Variants in ACYP2 observed in about 807,000 individuals in gnomAD.
ACYP2 encodes the protein acylphosphatase-2.
Under a neutral mutation model 11.2 loss-of-function variants are expected in ACYP2, and 12 were observed. The observed-to-expected ratio is 1.08, with a 90% CI of 0.69 to 1.74. The LOEUF (loss-of-function observed/expected upper bound fraction) is 1.74. Among genes scored for constraint, ACYP2 ranks in the 40% most tolerant of loss-of-function variants. The pLI, the probability that ACYP2 is intolerant of heterozygous loss-of-function variation, is 0.00. For missense variants in ACYP2, 134 were observed against 101.9 expected (o/e 1.31, Z -1.35); for synonymous variants, 43 against 32.2 (o/e 1.33, Z -1.13).
At chr2:54,060,882 C>A (rs1365884612) in intron 4 of ACYP2, among the ~76,000 whole-genome samples, 1 of 151,782 alleles carries the variant, frequency 6.6e-6, no homozygotes, top group Non-Finnish European at 1.5e-5. Flanking sequence ...TGTATCCTAG[C>A]TTTCAAATAC....
In ACYP2 at chr2:53,982,498, T is replaced by C. The variant is rs1035609625; in HGVS notation, c.62+8688T>C. Among the ~76,000 whole-genome samples, 5 of 152,160 alleles carry C rather than the reference T, an allele frequency of 3.3e-5. 1 individual carries two copies. Among genetic ancestry groups the C allele is most frequent in the African/African-American group, 1.2e-4 (5 of 41,446 alleles). On this transcript the variant is annotated intron_variant, in intron 2 of 6. Coordinates refer to ENST00000607452, the MANE Select transcript of ACYP2 (RefSeq NM_001320586.2). ...TCACTTTCTAGTAGACTGACAGATA[T>C]GAAAACAGACAAAACTATAACCAAA...
intron 4 of ACYP2, among the ~76,000 whole-genome samples, chr2:54,115,137 C>T (rs1679676213): frequency 1.3e-5 from 2 of 151,924 alleles, no homozygotes; most frequent in Non-Finnish European, 2.9e-5. Context: ...ATGGTGACTG[C>T]GATAAATGTA....
intron 6 of ACYP2, among the ~76,000 whole-genome samples, chr2:54,257,177 C>G (rs1156390477): frequency 1.3e-5 from 2 of 151,930 alleles, no homozygotes; most frequent in Non-Finnish European, 1.5e-5. Context: ...AGTTGGAGAC[C>G]AGCCTGGGCA....
chr2:54,075,972 A>G (rs191420912), intron 4 of ACYP2, among the ~76,000 whole-genome samples: 9 of 152,262 alleles, frequency 5.9e-5, no homozygotes, highest in Admixed American at 3.3e-4. Flanking sequence ...TTTGTAGCAG[A>G]TATTTCGAGT....
chr2:53,993,403 T>C (rs1183111821), intron 2 of ACYP2, among the ~76,000 whole-genome samples: 2 of 151,864 alleles, frequency 1.3e-5, no homozygotes, highest in Non-Finnish European at 2.9e-5. Context: ...CAGGTGCAGA[T>C]TGAATCATAG....
At chr2:54,158,296 C>A (rs1450690283) in intron 6 of ACYP2, among the ~76,000 whole-genome samples, 1 of 151,756 alleles carries the variant, frequency 6.6e-6, no homozygotes, top group African/African-American at 2.4e-5. Flanking sequence ...CCTGCCTCAG[C>A]CTTCCAAAGT....
At chr2:54,185,718 A>T (rs1216150410) in intron 6 of ACYP2, among the ~76,000 whole-genome samples, 1 of 152,160 alleles carries the variant, frequency 6.6e-6, no homozygotes, top group Non-Finnish European at 1.5e-5. Context: ...TTATTTGGAA[A>T]AATAATAAAT....
At chr2:54,184,845 A>AG (rs1683900194) in intron 6 of ACYP2, among the ~76,000 whole-genome samples, 2 of 139,146 alleles carry the variant, frequency 1.4e-5, no homozygotes, top group Admixed American at 1.4e-4. Flanking sequence ...CATTTAAGCA[A>AG]TTTTTTTTTT....
rs1491497799 is a variant in ACYP2 at position 54,201,651 on chromosome 2, T to TTTCC, written c.404+62906_404+62907insCTTC. ...TTCTTTCTTTCTCTTTCTTTCTTTCTTTCTTTCTTTCTTTCTTTCTTTCTT... is the reference window on the plus strand; with the variant it reads ...TTCTTTCTTTCTCTTTCTTTCTTTCTTTCCTTCTTTCTTTCTTTCTTTCTTTCTT... On this transcript the variant is annotated intron_variant, in intron 6 of 6. Transcript: ENST00000607452. Among the ~76,000 whole-genome samples the TTTCC allele has an allele frequency of 8.3e-5, 8 of 96,126 alleles. 1 individual carries two copies. Among genetic ancestry groups the TTTCC allele is most frequent in the Admixed American group, 5.9e-4 (6 of 10,184 alleles). The allele number at this position is 96,126 out of a possible 152,430, so 63.1% of individuals were successfully genotyped here. A position where few individuals can be genotyped will look rare whatever the true frequency, so the allele number is the denominator to read the frequency against.
intron 6 of ACYP2, among the ~76,000 whole-genome samples, chr2:54,194,296 T>C (rs1684361461): frequency 6.6e-6 from 1 of 152,136 alleles, no homozygotes; most frequent in Non-Finnish European, 1.5e-5. Flanking sequence ...TGCCTTGGGC[T>C]CCTAAAGTGC....
At chr2:54,043,828 A>G (rs927750048) in intron 2 of ACYP2, among the ~76,000 whole-genome samples, 2 of 152,300 alleles carry the variant, frequency 1.3e-5, no homozygotes, top group African/African-American at 4.8e-5. Flanking sequence ...TGCAGTCCAC[A>G]TTTAAATCCT....
At chr2:54,007,138 CAAAAAAAAAAAAA>C (rs70944145) in intron 2 of ACYP2, among the ~76,000 whole-genome samples, 3 of 52,206 alleles carry the variant, frequency 5.7e-5, no homozygotes, top group South Asian at 9.6e-4. Context: ...GACTCTGTGT[CAAAAAAAAAAAAA>C]AAAAAAAAAA....
chr2:54,186,778 T>A (rs1314666373), intron 6 of ACYP2, among the ~76,000 whole-genome samples: 3 of 152,174 alleles, frequency 2.0e-5, no homozygotes, highest in Non-Finnish European at 4.4e-5. Context: ...CCTCCCCAAG[T>A]GTTGGCATTA....
At chr2:54,020,174 T>A (rs1433910274) in intron 2 of ACYP2, among the ~76,000 whole-genome samples, 5 of 152,038 alleles carry the variant, frequency 3.3e-5, no homozygotes, top group African/African-American at 1.2e-4. Context: ...TGATCTCAGG[T>A]GATTCACCAG....
intron 6 of ACYP2, among the ~76,000 whole-genome samples, chr2:54,300,021 A>G (rs1313845427): frequency 6.6e-6 from 1 of 152,108 alleles, no homozygotes; most frequent in Non-Finnish European, 1.5e-5. Flanking sequence ...ATTCTCATTA[A>G]ATTACCTTAC....
At chr2:54,113,607 A>C (rs1006327056) in intron 4 of ACYP2, among the ~76,000 whole-genome samples, 1 of 152,178 alleles carries the variant, frequency 6.6e-6, no homozygotes, top group African/African-American at 2.4e-5. Flanking sequence ...AGAACCTGCT[A>C]ATATGGATGG....
intron 2 of ACYP2, among the ~76,000 whole-genome samples, chr2:54,017,551 G>A (rs1673767799): frequency 6.6e-6 from 1 of 152,074 alleles, no homozygotes; most frequent in Non-Finnish European, 1.5e-5. Context: ...CACTGTGCCT[G>A]GCCAGGCCAT....
At chr2:53,982,088 TAG>T (rs1363745604) in intron 2 of ACYP2, among the ~76,000 whole-genome samples, 2 of 152,158 alleles carry the variant, frequency 1.3e-5, no homozygotes, top group Non-Finnish European at 2.9e-5. Context: ...AGATTCACAA[TAG>T]AGTCAGTGAA....
chr2:53,972,468 A>G lies in ACYP2; in HGVS notation c.-37+1147A>G, dbSNP rs1177600834. Among the ~76,000 whole-genome samples the G allele has an allele frequency of 1.9e-3, 244 of 128,668 alleles. No homozygotes were observed. The Middle Eastern group carries it at 0.039, about 21-fold the overall frequency. The allele number at this position is 128,668 out of a possible 152,430, so 84.4% of individuals were successfully genotyped here. ...AAAAATACAAAAAAATTAGCCGGGCATGGTGGCGGGCGCCTGTAGTCCCAG... is the reference window on the plus strand; with the variant it reads ...AAAAATACAAAAAAATTAGCCGGGCGTGGTGGCGGGCGCCTGTAGTCCCAG... On this transcript the variant is annotated intron_variant, in intron 1 of 6. Transcript: ENST00000607452.
Sources: gnomAD v4.1 joint callset for allele counts (sites outside exome capture counted in the v4.1 genomes callset) on GRCh38, gnomAD v4.1.1 for gene constraint, MANE v1.5 for transcripts, NCBI Gene and HGNC (gene_info 2026-07-23, HGNC 2026-07-21) for gene names.